The following SHANK2 variants were observed in gnomAD, a reference collection of about 807,000 sequenced individuals.
The protein encoded by SHANK2 is SH3 and multiple ankyrin repeat domains protein 2.
A neutral mutation model predicts 133.7 loss-of-function variants in SHANK2; 43 were observed. That is an observed-to-expected ratio of 0.32 (90% CI 0.25 to 0.41). The LOEUF (loss-of-function observed/expected upper bound fraction) is 0.41. Among genes scored for constraint, SHANK2 ranks in the 10% least tolerant of loss-of-function variants. The probability of loss-of-function intolerance (pLI) is 1.00; values close to 1 mark genes in which losing one functional copy is unlikely to be tolerated. For synonymous variants in SHANK2, 1,017 were observed against 952.8 expected (o/e 1.07, Z -1.24); for missense variants, 1,994 against 2,235.8 (o/e 0.89, Z 2.18).
At chr11:70,627,023 G>A (rs1210353882) in intron 17 of SHANK2, among the ~76,000 whole-genome samples, 1 of 152,224 alleles carries the variant, frequency 6.6e-6, no homozygotes, top group Non-Finnish European at 1.5e-5. Context: ...CAGCCGTGAA[G>A]GTCAGATGGG....
At chr11:70,848,128 G>A (rs1160489120) in intron 11 of SHANK2, among the ~76,000 whole-genome samples, 4 of 152,222 alleles carry the variant, frequency 2.6e-5, no homozygotes, top group Non-Finnish European at 4.4e-5. Context: ...GAAGACGAAA[G>A]GCCCTCTCAG....
Position 70,698,678 on chromosome 11 carries a change from C to A in SHANK2, c.1853+10G>T. On this transcript the variant is annotated intron_variant, in intron 15 of 25. Transcript: ENST00000601538. ...CAGAGGGTCCTGGAAGAGAAAGCAGCGCGTCTTACCTGGAAGTGTCGAAGC... is the reference window on the plus strand; with the variant it reads ...CAGAGGGTCCTGGAAGAGAAAGCAGAGCGTCTTACCTGGAAGTGTCGAAGC... 1.4e-6 allele frequency: 1 copy of A among 718,598 alleles called. No individual in the cohort carries two copies. Among genetic ancestry groups the A allele is most frequent in the Non-Finnish European group, 2.6e-6 (1 of 385,094 alleles). The allele number at this position is 718,598 out of a possible 1,614,324, so 44.5% of individuals were successfully genotyped here.
chr11:70,557,136 T>C (rs1353479117), intron 17 of SHANK2, among the ~76,000 whole-genome samples: 1 of 145,230 alleles, frequency 6.9e-6, no homozygotes, highest in Non-Finnish European at 1.5e-5. Flanking sequence ...ATACCAGGCA[T>C]TGCACTAAAA....
chr11:70,628,676 G>A (rs1363559040), intron 17 of SHANK2, among the ~76,000 whole-genome samples: 2 of 152,110 alleles, frequency 1.3e-5, no homozygotes, highest in South Asian at 2.1e-4. Flanking sequence ...CCCAACTTCC[G>A]GCTTCCCGAG....
At chr11:70,902,617 G>A (rs535044969) in intron 10 of SHANK2, among the ~76,000 whole-genome samples, 14 of 152,322 alleles carry the variant, frequency 9.2e-5, no homozygotes, top group East Asian at 3.9e-4. Flanking sequence ...AGTTCCAGGC[G>A]GCATCGATGG....
Position 70,719,282 on chromosome 11 carries a change from G to C in SHANK2, c.1778-20519C>G, listed in dbSNP as rs1476489929. Among the ~76,000 whole-genome samples, 24 of 152,222 alleles carry C rather than the reference G, an allele frequency of 1.6e-4. 1 individual carries two copies. Among genetic ancestry groups the C allele is most frequent in the Admixed American group, 1.5e-3 (23 of 15,290 alleles). Reference sequence around the variant, plus strand: ...GATGAGAAGCGTGGACCTGGAGAAGGTTAGCGACTGGCTCAAAGTCACACA... The same window carrying C: ...GATGAGAAGCGTGGACCTGGAGAAGCTTAGCGACTGGCTCAAAGTCACACA... On this transcript the variant is annotated intron_variant, in intron 14 of 25. Coordinates refer to ENST00000601538, the MANE Select transcript of SHANK2 (RefSeq NM_012309.5).
intron 10 of SHANK2, among the ~76,000 whole-genome samples, chr11:70,947,840 A>C (rs1950770404): frequency 6.6e-6 from 1 of 152,114 alleles, no homozygotes; most frequent in Non-Finnish European, 1.5e-5. Flanking sequence ...TGGGTGGGTG[A>C]CGGATGCACA....
At chr11:70,755,542 C>T (rs1025269533) in intron 14 of SHANK2, among the ~76,000 whole-genome samples, 28 of 152,370 alleles carry the variant, frequency 1.8e-4, no homozygotes, top group Admixed American at 1.1e-3. Flanking sequence ...TTTCCAGGCA[C>T]GTCCCCAGCC....
At chr11:71,233,778 T>G (rs1287812725) in intron 1 of SHANK2, among the ~76,000 whole-genome samples, 6 of 152,210 alleles carry the variant, frequency 3.9e-5, no homozygotes, top group African/African-American at 1.4e-4. Context: ...CCAGACACAG[T>G]GGGTCATGCC....
chr11:70,920,449 C>T (rs4077321), intron 10 of SHANK2, among the ~76,000 whole-genome samples: 95,636 of 152,050 alleles, frequency 0.63, 35,064 homozygotes, highest in Non-Finnish European at 0.79. Flanking sequence ...AAAGGAGAGG[C>T]GGAGGGTGGA....
At chr11:70,483,487 C>T (rs1555152241) in intron 25 of SHANK2, among the ~76,000 whole-genome samples, 3 of 148,230 alleles carry the variant, frequency 2.0e-5, no homozygotes, top group Non-Finnish European at 4.4e-5. Flanking sequence ...TCGTTTGAGC[C>T]CAGGAGTTCG....
At chr11:71,168,496 C>T (rs1953235715) in intron 2 of SHANK2, among the ~76,000 whole-genome samples, 1 of 151,818 alleles carries the variant, frequency 6.6e-6, no homozygotes, top group Admixed American at 6.6e-5. Context: ...AAGGTTGTAG[C>T]GAGCCGAGAT....
chr11:70,888,364 C>T (rs555951754), intron 11 of SHANK2, among the ~76,000 whole-genome samples: 3 of 152,322 alleles, frequency 2.0e-5, no homozygotes, highest in East Asian at 3.9e-4. Context: ...CTCCTCTGTG[C>T]CTCTGAGCTC....
intron 3 of SHANK2, among the ~76,000 whole-genome samples, chr11:71,140,397 C>T (rs1274161299): frequency 6.6e-6 from 1 of 152,250 alleles, no homozygotes; most frequent in East Asian, 1.9e-4. Context: ...GTGGGCAGAA[C>T]ACCTGCTGGG....
At chr11:70,713,654 G>A (rs904830996) in intron 14 of SHANK2, among the ~76,000 whole-genome samples, 4 of 152,222 alleles carry the variant, frequency 2.6e-5, no homozygotes, top group African/African-American at 4.8e-5. Flanking sequence ...GCCTCCAGGC[G>A]GCAGAGCTGT....
At chr11:70,943,109 T>C (rs1482928629) in intron 10 of SHANK2, 2 of 456,362 alleles carry the variant, frequency 4.4e-6, no homozygotes, top group Non-Finnish European at 8.8e-6. Context: ...GGAGTTCACC[T>C]GGCAAAGGTG....
intron 5 of SHANK2, among the ~76,000 whole-genome samples, chr11:71,112,561 G>A (rs1951906383): frequency 6.6e-6 from 1 of 152,174 alleles, no homozygotes; most frequent in Non-Finnish European, 1.5e-5. Context: ...TCAGGCAGCT[G>A]CCCGGACTCT....
chr11:70,820,427 G>A lies in SHANK2; in HGVS notation c.1430C>T (p.Ser477Leu), dbSNP rs911201371. Reference protein sequence around the residue: ...YVPGPRSRSPSLNRLGGAGED... With the variant: ...YVPGPRSRSPLLNRLGGAGED... Reference sequence around the variant, plus strand: ...GCCTGCGCCGCCCAGCCTGTTGAGCGATGGGGACCGGCTGCGGGGCCCGGG... The same window carrying A: ...GCCTGCGCCGCCCAGCCTGTTGAGCAATGGGGACCGGCTGCGGGGCCCGGG... Residue 477 changes from serine to leucine, a missense_variant, in exon 12 of 26, where the codon TCG (serine) becomes TTG (leucine). Around this residue, in one of 5 missense-constraint regions of SHANK2, gnomAD observed 653 missense variants for 563.4 expected, o/e 1.16. Coordinates refer to ENST00000601538, the MANE Select transcript of SHANK2 (RefSeq NM_012309.5). 15 of 708,340 alleles carry A rather than the reference G, an allele frequency of 2.1e-5. No homozygotes were observed. Among genetic ancestry groups the A allele is most frequent in the Middle Eastern group, 4.6e-4 (2 of 4,362 alleles). 43.9% of individuals were successfully genotyped at this position (708,340 alleles called of 1,614,324 possible). A position where few individuals can be genotyped will look rare whatever the true frequency, so the allele number is the denominator to read the frequency against.
At chr11:70,586,342 A>G (rs1832857124) in intron 17 of SHANK2, among the ~76,000 whole-genome samples, 1 of 152,166 alleles carries the variant, frequency 6.6e-6, no homozygotes, top group Non-Finnish European at 1.5e-5. Context: ...AAAGCTGGGC[A>G]CAAGGATCAC....
Sources: allele counts gnomAD v4.1 joint callset (sites outside exome capture counted in the v4.1 genomes callset), GRCh38; gene constraint gnomAD v4.1.1; regional missense constraint gnomAD v4.1.1; transcripts MANE v1.5; gene names NCBI Gene and HGNC (gene_info 2026-07-23, HGNC 2026-07-21).